The following VGLL4 variants were observed in gnomAD, a reference collection of about 807,000 sequenced individuals.
VGLL4 encodes vestigial like family member 4, also known as transcription cofactor vestigial-like protein 4.
A neutral mutation model predicts 21.0 loss-of-function variants in VGLL4; 7 were observed. The observed-to-expected ratio is 0.33, with a 90% CI of 0.19 to 0.63. The LOEUF (loss-of-function observed/expected upper bound fraction) is 0.63, where lower values mean the gene tolerates loss of function less well. Ranked by LOEUF, VGLL4 falls within the 20% of genes least tolerant of loss-of-function variation. The probability of loss-of-function intolerance (pLI) is 0.78; values close to 1 mark genes in which losing one functional copy is unlikely to be tolerated. For missense variants in VGLL4, 394 were observed against 425.7 expected (o/e 0.93, Z 0.66); for synonymous variants, 222 against 173.2 (o/e 1.28, Z -2.21).
intron 2 of VGLL4, among the ~76,000 whole-genome samples, chr3:11,579,577 G>T (rs1469585985): frequency 6.6e-6 from 1 of 152,128 alleles, no homozygotes; most frequent in Admixed American, 6.5e-5. Flanking sequence ...TGTGCAGTGT[G>T]GAAGACTGAA....
At chr3:11,637,780 T>G (rs1340054331) in intron 1 of VGLL4, among the ~76,000 whole-genome samples, 1 of 152,216 alleles carries the variant, frequency 6.6e-6, no homozygotes, top group African/African-American at 2.4e-5. Context: ...GGTCCTGCTT[T>G]TAAAAATAAG....
chr3:11,683,951 C>T (rs1210093100), intron 2 of VGLL4, among the ~76,000 whole-genome samples: 3 of 152,108 alleles, frequency 2.0e-5, no homozygotes, highest in Non-Finnish European at 4.4e-5. Flanking sequence ...TGGATCACAC[C>T]TGTAATCCCA....
At chr3:11,717,944 ACT>A (rs1283703676) in intron 1 of VGLL4, among the ~76,000 whole-genome samples, 1 of 152,218 alleles carries the variant, frequency 6.6e-6, no homozygotes, top group Admixed American at 6.5e-5. Flanking sequence ...AGTCAGTGAC[ACT>A]GATAGGACTA....
chr3:11,575,762 A>G (rs1001330831), intron 2 of VGLL4, among the ~76,000 whole-genome samples: 2 of 152,244 alleles, frequency 1.3e-5, no homozygotes, highest in African/African-American at 4.8e-5. Context: ...TTTGGCTAGA[A>G]TGAGGCGTAA....
At chr3:11,582,286 C>T (rs1270866874) in intron 2 of VGLL4, 6 of 1,605,546 alleles carry the variant, frequency 3.7e-6, no homozygotes, top group Non-Finnish European at 4.3e-6. Flanking sequence ...TGGTACTAAC[C>T]TCACTTTAAT....
At position 11,601,893 on chromosome 3, in the gene VGLL4, T is replaced by C; in HGVS notation, c.212A>G (p.Glu71Gly). 5 of 1,613,844 alleles carry C rather than the reference T, an allele frequency of 3.1e-6. No individual in the cohort carries two copies. The highest frequency in any genetic ancestry group is 4.2e-6 in the Non-Finnish European group (5 of 1,179,852). ...KRKFSMEPGD[E>G]DLDCDNDHVS... The stretch of plus-strand genomic sequence containing the variant: ...GTGGTCGTTGTCACAGTCTAGGTCC[T>C]CGTCACCTGGCTCCATGCTGAACTT... The change falls in exon 2 of 5, where the codon GAG (glutamate) becomes GGG (glycine). Residue 71 changes from glutamate (E) to glycine (G), a missense_variant. Glu to Gly is a moderately conservative substitution (Grantham distance 98). Coordinates refer to ENST00000430365, the MANE Select transcript of VGLL4 (RefSeq NM_001128219.3).
chr3:11,569,857 G>A (rs1348633859), intron 2 of VGLL4, among the ~76,000 whole-genome samples: 1 of 152,102 alleles, frequency 6.6e-6, no homozygotes, highest in Non-Finnish European at 1.5e-5. Flanking sequence ...CTTTAGCCTG[G>A]GTGACAGAGC....
intron 1 of VGLL4, among the ~76,000 whole-genome samples, chr3:11,642,022 T>TAA (rs59892024): frequency 0.13 from 18,138 of 139,818 alleles, 2,725 homozygotes; most frequent in African/African-American, 0.37. Flanking sequence ...CGGGGATGGT[T>TAA]AAAAAAAAAA....
chr3:11,658,626 A>C (rs1394566536), intron 2 of VGLL4, among the ~76,000 whole-genome samples: 1 of 113,628 alleles, frequency 8.8e-6, no homozygotes, highest in Non-Finnish European at 1.8e-5. Context: ...AGAATACGCG[A>C]ACTATTCCTG....
At chr3:11,665,605 G>C (rs886411814) in intron 2 of VGLL4, among the ~76,000 whole-genome samples, 16 of 152,224 alleles carry the variant, frequency 1.1e-4, no homozygotes, top group African/African-American at 3.9e-4. Context: ...TCCCTGCAAA[G>C]GAAGCCAAGT....
chr3:11,699,977 C>T (rs1479367437), intron 2 of VGLL4, among the ~76,000 whole-genome samples: 1 of 152,158 alleles, frequency 6.6e-6, no homozygotes, highest in Admixed American at 6.5e-5. Flanking sequence ...CGTTTTGTTT[C>T]TCCGAAAACA....
At chr3:11,666,273 C>T (rs1298427204) in intron 2 of VGLL4, among the ~76,000 whole-genome samples, 2 of 150,000 alleles carry the variant, frequency 1.3e-5, no homozygotes, top group Admixed American at 1.3e-4. Flanking sequence ...AAAGAAAGTT[C>T]ATTCTGTGCT....
intron 2 of VGLL4, among the ~76,000 whole-genome samples, chr3:11,690,877 C>A (rs1416052318): frequency 6.6e-6 from 1 of 152,078 alleles, no homozygotes; most frequent in Non-Finnish European, 1.5e-5. Context: ...ATTGCTTCTA[C>A]ACATTATATG....
At chr3:11,685,575 TCAAC>T (rs1465477109) in intron 2 of VGLL4, among the ~76,000 whole-genome samples, 1 of 152,236 alleles carries the variant, frequency 6.6e-6, no homozygotes, top group Non-Finnish European at 1.5e-5. Context: ...AGAGCTGTAA[TCAAC>T]ATTCACATGT....
chr3:11,593,258 G>C (rs1000907270), intron 2 of VGLL4, among the ~76,000 whole-genome samples: 2 of 152,180 alleles, frequency 1.3e-5, no homozygotes, highest in African/African-American at 2.4e-5. Context: ...CTGCCAAAGA[G>C]GGTATGATCA....
At chr3:11,657,383 G>A (rs1019708033) in intron 2 of VGLL4, among the ~76,000 whole-genome samples, 4 of 152,124 alleles carry the variant, frequency 2.6e-5, no homozygotes, top group African/African-American at 9.7e-5. Context: ...TCTTACAAAT[G>A]TGGCAAGCAA....
At chr3:11,635,275 G>A (rs1351248616) in intron 1 of VGLL4, among the ~76,000 whole-genome samples, 3 of 152,170 alleles carry the variant, frequency 2.0e-5, no homozygotes, top group Admixed American at 6.6e-5. Flanking sequence ...GGAAGGGTTT[G>A]TTTTTGTTTT....
In VGLL4 at chr3:11,653,723, G is replaced by A. The variant is rs996000265; in HGVS notation, c.64+49248C>T. Among the ~76,000 whole-genome samples the A allele has an allele frequency of 5.9e-5, 9 of 152,178 alleles. No individual in the cohort carries two copies. The highest frequency in any genetic ancestry group is 5.2e-4 in the Admixed American group (8 of 15,284). ...ATAGTTTTCCACAGCAGTTGTACCC[G>A]TTTATACTCCTACCAGCAGGGTATG... On this transcript the variant is annotated intron_variant, in intron 2 of 5. Coordinates refer to the VGLL4 transcript ENST00000273038. The surrounding 1 kb of genome is among the most constrained non-coding windows in gnomAD (Gnocchi z 4.2).
chr3:11,649,949 G>A (rs1192901836), intron 2 of VGLL4, among the ~76,000 whole-genome samples: 1 of 123,738 alleles, frequency 8.1e-6, no homozygotes, highest in Admixed American at 8.6e-5. Context: ...GGTTTGGTTT[G>A]GTTTTTTTGA....
Sources: allele counts gnomAD v4.1 joint callset (sites outside exome capture counted in the v4.1 genomes callset), GRCh38; gene constraint gnomAD v4.1.1; non-coding constraint Gnocchi (gnomAD v3.1); transcripts MANE v1.5; gene names NCBI Gene and HGNC (gene_info 2026-07-23, HGNC 2026-07-21).